FAM120A: variants seen among roughly 807,000 people sequenced by gnomAD.
FAM120A encodes the protein constitutive coactivator of PPAR-gamma-like protein 1.
A neutral mutation model predicts 109.7 loss-of-function variants in FAM120A; 15 were observed. The ratio of observed to expected loss-of-function variants is 0.14; its 90% CI spans 0.09 to 0.21. The LOEUF (loss-of-function observed/expected upper bound fraction) is 0.21, where lower values mean the gene tolerates loss of function less well. Ranked by LOEUF, FAM120A falls within the 10% of genes least tolerant of loss-of-function variation. The probability of loss-of-function intolerance (pLI) is 1.00; values close to 1 mark genes in which losing one functional copy is unlikely to be tolerated. For missense variants in FAM120A, 899 were observed against 1,439.3 expected, an observed-to-expected ratio of 0.62 and a Z score of 6.07; for synonymous variants, 493 against 572.8, an observed-to-expected ratio of 0.86 and a Z score of 1.99.
In FAM120A at chr9:93,564,317, C is replaced by T; in HGVS notation, c.3134C>T (p.Ser1045Leu). The change falls in exon 18 of 18, where the codon TCA becomes TTA. Residue 1045 changes from serine (S) to leucine (L), a missense_variant. By Grantham distance (145) the Ser-to-Leu change is moderately radical. Around this residue, in one of 11 missense-constraint regions of FAM120A, gnomAD observed 170 missense variants for 205.0 expected, o/e 0.83. Transcript: ENST00000277165. ...GAATCGAAGTCCTCTGCTATGTCTT[C>T]AGACGGGTCCCTGGCTGAAAACGGA... ...SGESKSSAMSSDGSLAENGVM... is the reference protein window; with the variant it reads ...SGESKSSAMSLDGSLAENGVM... 6.2e-7 allele frequency: 1 copy of T among 1,614,256 alleles called. No homozygotes were observed. Among genetic ancestry groups the T allele is most frequent in the South Asian group, 1.1e-5 (1 of 91,088 alleles).
At chr9:93,459,778 A>T (rs942725698) in intron 1 of FAM120A, among the ~76,000 whole-genome samples, 3 of 152,184 alleles carry the variant, frequency 2.0e-5, no homozygotes, top group African/African-American at 7.2e-5. Flanking sequence ...GAAGGCATCT[A>T]TTGGGTGGAG....
chr9:93,559,699 C>G (rs1587641087), intron 15 of FAM120A, among the ~76,000 whole-genome samples: 1 of 152,206 alleles, frequency 6.6e-6, no homozygotes, highest in Non-Finnish European at 1.5e-5. Context: ...TCTTGATTTG[C>G]TTCAGCTCCT....
chr9:93,555,238 A>G (rs976055770), intron 12 of FAM120A, among the ~76,000 whole-genome samples: 3 of 152,218 alleles, frequency 2.0e-5, no homozygotes, highest in African/African-American at 7.2e-5. Flanking sequence ...CTGGTGATGT[A>G]CAATAGGATC....
Position 93,532,343 on chromosome 9 carries a change from CA to C in FAM120A, c.1909+16del. ...TTCCACCAGAATGTATGTACTGTAA[CA>C]ATCCATTGTTTGTTTTCCTCGGTAC... On this transcript the variant is annotated intron_variant, in intron 10 of 17. Transcript: ENST00000277165. This position sits in a 1 kb window ranked among gnomAD's most constrained non-coding sequence, Gnocchi z 4.3. The C allele has an allele frequency of 6.2e-7, 1 of 1,613,204 alleles. No homozygotes were observed. The highest frequency in any genetic ancestry group is 8.5e-7 in the Non-Finnish European group (1 of 1,179,162).
chr9:93,521,218 A>G (rs865950299), intron 7 of FAM120A, among the ~76,000 whole-genome samples: 1 of 152,190 alleles, frequency 6.6e-6, no homozygotes, highest in Non-Finnish European at 1.5e-5. Flanking sequence ...CTTTGCAGAG[A>G]CACAACACTC....
intron 3 of FAM120A, among the ~76,000 whole-genome samples, chr9:93,483,254 GTTATA>G (rs1386312875): frequency 3.9e-5 from 6 of 151,996 alleles, no homozygotes; most frequent in Middle Eastern, 3.4e-3. Flanking sequence ...TTAATAAGTC[GTTATA>G]TTATAATAGT....
chr9:93,458,050 C>T (rs1393109148), intron 1 of FAM120A, among the ~76,000 whole-genome samples: 4 of 152,078 alleles, frequency 2.6e-5, no homozygotes, highest in Non-Finnish European at 5.9e-5. Flanking sequence ...TCACCATTTC[C>T]AAGGCACAGC....
chr9:93,453,526 A>T, intron 1 of FAM120A: 1 of 985,438 alleles, frequency 1.0e-6, no homozygotes, highest in Non-Finnish European at 1.2e-6. Flanking sequence ...AGTTTGTGAA[A>T]TTCTGTCTTC....
chr9:93,521,099 T>C (rs953132464), intron 7 of FAM120A, among the ~76,000 whole-genome samples: 4 of 152,202 alleles, frequency 2.6e-5, no homozygotes, highest in Admixed American at 2.6e-4. Context: ...GGAGGAGTTC[T>C]GAGAATATGA....
chr9:93,475,225 G>A (rs1367431557), intron 2 of FAM120A, among the ~76,000 whole-genome samples: 1 of 152,122 alleles, frequency 6.6e-6, no homozygotes, highest in Admixed American at 6.5e-5. Flanking sequence ...AAATAATTTT[G>A]TGCAGGAAAC....
intron 1 of FAM120A, among the ~76,000 whole-genome samples, chr9:93,457,102 G>A (rs901042387): frequency 6.6e-6 from 1 of 152,186 alleles, no homozygotes; most frequent in Admixed American, 6.5e-5. Flanking sequence ...ACTCCACTGT[G>A]TATATGTACC....
chr9:93,492,736 C>T (rs921388555), intron 3 of FAM120A, among the ~76,000 whole-genome samples: 15 of 152,192 alleles, frequency 9.9e-5, no homozygotes, highest in East Asian at 3.9e-4. Flanking sequence ...CCGGTGTTTT[C>T]GGACCAGAGG....
At chr9:93,518,276 G>A (rs539205983) in intron 7 of FAM120A, among the ~76,000 whole-genome samples, 16 of 143,648 alleles carry the variant, frequency 1.1e-4, no homozygotes, top group Non-Finnish European at 2.4e-4. Context: ...GCAGGTGCAG[G>A]GGTATGACGC....
chr9:93,548,736 C>T (rs1362909235), intron 11 of FAM120A, among the ~76,000 whole-genome samples: 1 of 152,180 alleles, frequency 6.6e-6, no homozygotes, highest in African/African-American at 2.4e-5. Context: ...TTGCATCCGG[C>T]CCTGATTAAA....
rs1189409404 is a variant in FAM120A at position 93,543,316 on chromosome 9, C to T, written c.2004C>T (p.Thr668=). The T allele has an allele frequency of 6.2e-7, 1 of 1,614,212 alleles. No individual in the cohort carries two copies. Among genetic ancestry groups the T allele is most frequent in the South Asian group, 1.1e-5 (1 of 91,086 alleles). Residue 668 remains threonine (T), a synonymous_variant, in exon 11 of 18, where the codon ACC becomes ACT. Transcript: ENST00000277165. ...AAGCTCTTGCCTTCAGGGAGTGGAC[C>T]TGCCCCAACCTGAAGAGGCTGTGGT... ...LVEALAFREW[T]CPNLKRLWLG...
intron 3 of FAM120A, among the ~76,000 whole-genome samples, chr9:93,493,204 T>G (rs1170074510): frequency 6.6e-6 from 1 of 152,220 alleles, no homozygotes; most frequent in Non-Finnish European, 1.5e-5. Flanking sequence ...CTGTTAAAAA[T>G]ATGATCTTTG....
chr9:93,516,823 G>T (rs1423416081), intron 7 of FAM120A, among the ~76,000 whole-genome samples: 1 of 152,092 alleles, frequency 6.6e-6, no homozygotes, highest in Non-Finnish European at 1.5e-5. Flanking sequence ...GAATAAATGG[G>T]TTCACAAATA....
rs80199787 is a variant in FAM120A at position 93,480,481 on chromosome 9, G to A, written c.804+4143G>A. Among the ~76,000 whole-genome samples the A allele has an allele frequency of 6.6e-3, 1,005 of 152,252 alleles. 14 individuals carry two copies. Among genetic ancestry groups the A allele is most frequent in the African/African-American group, 0.023 (971 of 41,562 alleles). On this transcript the variant is annotated intron_variant, in intron 3 of 17. Coordinates refer to ENST00000277165, the MANE Select transcript of FAM120A (RefSeq NM_014612.5). ...CCTGGCAGCAGATGATACAGAGCAG[G>A]CTGGGCCAGGATGGGTAAAACCCCA... is the stretch of plus-strand genomic sequence containing the variant.
intron 10 of FAM120A, among the ~76,000 whole-genome samples, chr9:93,535,391 G>C (rs1303775802): frequency 6.6e-6 from 1 of 152,214 alleles, no homozygotes; most frequent in African/African-American, 2.4e-5. Flanking sequence ...AACCAAAACA[G>C]AAATGAAGCC....
Sources: allele counts gnomAD v4.1 joint callset (sites outside exome capture counted in the v4.1 genomes callset), GRCh38; gene constraint gnomAD v4.1.1; regional missense constraint gnomAD v4.1.1; non-coding constraint Gnocchi (gnomAD v3.1); transcripts MANE v1.5; gene names NCBI Gene and HGNC (gene_info 2026-07-23, HGNC 2026-07-21).